The following TIAM2 variants were observed in gnomAD, a reference collection of about 807,000 sequenced individuals.
TIAM2 encodes the protein TIAM Rac1 associated GEF 2.
TIAM2 carries 80 observed loss-of-function variants against 152.9 expected under a neutral mutation model. That is an observed-to-expected ratio of 0.52 (90% CI 0.44 to 0.63). TIAM2 has a LOEUF of 0.63. TIAM2 is among the 30% of genes least tolerant of loss of function. TIAM2 has a pLI of 0.00. For missense variants in TIAM2, 1,965 were observed against 2,120.1 expected (o/e 0.93, Z 1.44); for synonymous variants, 804 against 838.0 (o/e 0.96, Z 0.70).
At chr6:155,125,402 T>C (rs940726685) in intron 2 of TIAM2, among the ~76,000 whole-genome samples, 7 of 152,232 alleles carry the variant, frequency 4.6e-5, no homozygotes. Context: ...ATACTGCTTA[T>C]GTCCATTAGG....
intron 15 of TIAM2, among the ~76,000 whole-genome samples, chr6:155,223,522 T>TC (rs1012102128): frequency 5.1e-5 from 5 of 98,724 alleles, no homozygotes; most frequent in African/African-American, 1.3e-4. Flanking sequence ...CCCAGATTTT[T>TC]TTTTCTTTTT....
chr6:155,198,666 CAAAAAAAAAAA>C (rs10626644), intron 14 of TIAM2, among the ~76,000 whole-genome samples: 1 of 70,360 alleles, frequency 1.4e-5, no homozygotes, highest in Non-Finnish European at 2.5e-5. Context: ...GAGCAAATCT[CAAAAAAAAAAA>C]AAAAAAAAAA....
intron 14 of TIAM2, among the ~76,000 whole-genome samples, chr6:155,209,606 C>T (rs917353803): frequency 5.9e-5 from 9 of 152,150 alleles, no homozygotes; most frequent in Non-Finnish European, 1.0e-4. Flanking sequence ...ACCCTTCATG[C>T]CTTTCGGGTC....
intron 1 of TIAM2, among the ~76,000 whole-genome samples, chr6:155,063,816 T>G (rs1393980968): frequency 1.3e-5 from 2 of 150,236 alleles, no homozygotes; most frequent in Non-Finnish European, 3.0e-5. Flanking sequence ...ATGGAACTGT[T>G]AAGACTTGTG....
intron 2 of TIAM2, among the ~76,000 whole-genome samples, chr6:155,103,354 C>T (rs1778589983): frequency 1.3e-5 from 2 of 152,192 alleles, no homozygotes; most frequent in South Asian, 4.2e-4. Flanking sequence ...TTCATGTGTA[C>T]AGGAGGTTCT....
chr6:155,247,380 G>A (rs1205773411), intron 19 of TIAM2, among the ~76,000 whole-genome samples: 1 of 152,126 alleles, frequency 6.6e-6, no homozygotes, highest in Non-Finnish European at 1.5e-5. Context: ...CTAGGCTGGA[G>A]TGCAGTGGCG....
chr6:155,252,481 TAAGTA>T (rs1379682524), intron 23 of TIAM2, among the ~76,000 whole-genome samples: 2 of 152,070 alleles, frequency 1.3e-5, no homozygotes, highest in African/African-American at 4.8e-5. Context: ...AATACATAAA[TAAGTA>T]AATAAAGTAG....
In TIAM2 at chr6:155,129,784, T is replaced by G. The variant is rs772869769; in HGVS notation, c.561T>G (p.Pro187=). 3 of 1,613,674 alleles carry G rather than the reference T, an allele frequency of 1.9e-6. No homozygotes were observed. The African/African-American group carries it at 4.0e-5, about 22-fold the overall frequency. Residue 187 remains proline, a synonymous_variant, in exon 4 of 27, where the codon CCT becomes CCG. Coordinates refer to ENST00000682666, the MANE Select transcript of TIAM2 (RefSeq NM_012454.4). This position sits in a 1 kb window ranked among gnomAD's most constrained non-coding sequence, Gnocchi z 4.8. ...FHNGGNPSKV[P]AEDCSEPVQL... is the part of the protein sequence containing the mutation. ...ATGGTGGCAACCCCAGCAAAGTGCC[T>G]GCAGAGGACTGCAGTGAGCCGGTGC...
chr6:155,241,825 C>G (rs1783048809), intron 16 of TIAM2, among the ~76,000 whole-genome samples: 1 of 152,190 alleles, frequency 6.6e-6, no homozygotes, highest in Non-Finnish European at 1.5e-5. Context: ...ATAATCCCAT[C>G]TCCACAGTCA....
chr6:154,996,276 CCGTTTT>C (rs1778210366), intron 1 of TIAM2, among the ~76,000 whole-genome samples: 1 of 152,058 alleles, frequency 6.6e-6, no homozygotes, highest in Non-Finnish European at 1.5e-5. Flanking sequence ...AGCTTGCATG[CCGTTTT>C]TTTAAAATAG....
chr6:155,146,380 T>C (rs988022905), intron 6 of TIAM2, among the ~76,000 whole-genome samples: 2 of 152,018 alleles, frequency 1.3e-5, no homozygotes, highest in African/African-American at 4.8e-5. Context: ...GACCCTGTCT[T>C]AGCAACAACA....
intron 26 of TIAM2, chr6:155,256,076 TGAGAA>T: frequency 4.3e-6 from 1 of 232,254 alleles, no homozygotes. Flanking sequence ...ATCCACAAGG[TGAGAA>T]GATGCATAGG....
Position 155,172,686 on chromosome 6 carries a change from ATTTTTTTTTTT to A in TIAM2, c.2362-4114_2362-4104del, listed in dbSNP as rs113165280. On this transcript the variant is annotated intron_variant, in intron 9 of 26. Transcript: ENST00000682666. ...TATATATATATATATATATATATATATTTTTTTTTTTTTTTTTTTTTTTTTTCTTTGATGGG... is the reference window on the plus strand; with the variant it reads ...TATATATATATATATATATATATATATTTTTTTTTTTTTTTCTTTGATGGG... 2.1e-3 allele frequency among the ~76,000 whole-genome samples: 42 copies of A among 19,600 alleles called. 1 individual carries two copies. Among genetic ancestry groups the A allele is most frequent in the African/African-American group, 6.5e-3 (38 of 5,808 alleles). The allele number at this position is 19,600 out of a possible 152,430, so 12.9% of individuals were successfully genotyped here.
chr6:155,254,755 C>T (rs955737477), intron 26 of TIAM2, 182 bp downstream of exon 26: 26 of 666,150 alleles, frequency 3.9e-5, no homozygotes, highest in Non-Finnish European at 5.9e-5. Context: ...AATACAGCCA[C>T]CCCCAACCCC....
At chr6:155,056,360 C>T (rs1285517341) in intron 1 of TIAM2, among the ~76,000 whole-genome samples, 9 of 151,854 alleles carry the variant, frequency 5.9e-5, no homozygotes, top group South Asian at 2.1e-4. Context: ...TTCATAGAGA[C>T]GGGGTTTCAC....
intron 14 of TIAM2, among the ~76,000 whole-genome samples, chr6:155,201,030 A>C (rs1781462593): frequency 1.3e-5 from 2 of 152,184 alleles, no homozygotes; most frequent in South Asian, 4.1e-4. Context: ...GGATTTGCCT[A>C]TTCTGGGCAT....
rs1291101802 is a variant in TIAM2 at position 155,182,138 on chromosome 6, A to C, written c.2708-88A>C. Reference sequence around the variant, plus strand: ...CTCAACATACTGTACTTATGAGAAAAGATGTTCAAGGAGATACTGCCGGTG... The same window carrying C: ...CTCAACATACTGTACTTATGAGAAACGATGTTCAAGGAGATACTGCCGGTG... On this transcript the variant is annotated intron_variant, in intron 12 of 26. Transcript: ENST00000682666. 6 of 1,050,268 alleles carry C rather than the reference A, an allele frequency of 5.7e-6. No homozygotes were observed. The East Asian group carries it at 1.2e-4, about 21-fold the overall frequency. 65.1% of individuals were successfully genotyped at this position (1,050,268 alleles called of 1,614,324 possible).
chr6:155,015,944 C>CAAAAAA (rs3081689), intron 1 of TIAM2, among the ~76,000 whole-genome samples: 16 of 61,836 alleles, frequency 2.6e-4, no homozygotes, highest in Non-Finnish European at 4.4e-4. Context: ...TTCAAAAAAC[C>CAAAAAA]AAAAAAAAAA....
Position 155,144,906 on chromosome 6 carries a change from C to T in TIAM2, c.1803+128C>T, listed in dbSNP as rs773693201. 4.5e-4 allele frequency: 498 copies of T among 1,103,800 alleles called. 2 individuals carry two copies. Among genetic ancestry groups the T allele is most frequent in the Non-Finnish European group, 6.1e-4 (480 of 786,652 alleles). 68.4% of individuals were successfully genotyped at this position (1,103,800 alleles called of 1,614,324 possible). A position where few individuals can be genotyped will look rare whatever the true frequency, so the allele number is the denominator to read the frequency against. ...GTTAGGCTTTGGATTTGGCCTTAAG[C>T]AACAGATGTTGGCTTCCGCTGACTG... On this transcript the variant is annotated intron_variant, in intron 6 of 26. Coordinates refer to ENST00000682666, the MANE Select transcript of TIAM2 (RefSeq NM_012454.4).
Sources: allele counts gnomAD v4.1 joint callset (sites outside exome capture counted in the v4.1 genomes callset), GRCh38; gene constraint gnomAD v4.1.1; non-coding constraint Gnocchi (gnomAD v3.1); transcripts MANE v1.5; gene names NCBI Gene and HGNC (gene_info 2026-07-23, HGNC 2026-07-21).